MFHAS1: variants seen among roughly 807,000 people sequenced by gnomAD.
MFHAS1 encodes multifunctional ROCO family signaling regulator 1, also known as malignant fibrous histiocytoma-amplified sequence 1.
A neutral mutation model predicts 70.4 loss-of-function variants in MFHAS1; 50 were observed. The observed-to-expected ratio is 0.71, with a 90% confidence interval of 0.57 to 0.90. MFHAS1 has a LOEUF of 0.90. Among genes scored for constraint, MFHAS1 ranks in the 40% least tolerant of loss-of-function variants. MFHAS1 has a pLI of 0.00. For synonymous variants in MFHAS1, 952 were observed against 620.0 expected, an observed-to-expected ratio of 1.54 and a Z score of -7.96; for missense variants, 1,795 against 1,347.6, an observed-to-expected ratio of 1.33 and a Z score of -5.20.
intron 1 of MFHAS1, among the ~76,000 whole-genome samples, chr8:8,853,941 T>C (rs1808338052): frequency 1.3e-5 from 2 of 152,182 alleles, no homozygotes; most frequent in Admixed American, 6.5e-5. Context: ...GGTGGATAAT[T>C]ACTATTTCCA....
intron 2 of MFHAS1, among the ~76,000 whole-genome samples, chr8:8,794,707 A>C (rs553914027): frequency 4.6e-5 from 7 of 152,292 alleles, no homozygotes; most frequent in African/African-American, 1.7e-4. Flanking sequence ...TTATATTGCA[A>C]AGCTGTCATC....
In MFHAS1 at chr8:8,892,935, C is replaced by G. The variant is rs1382836850; in HGVS notation, c.124G>C (p.Gly42Arg). 6 of 1,546,020 alleles carry G rather than the reference C, an allele frequency of 3.9e-6. No homozygotes were observed. In the African/African-American group the frequency reaches 5.7e-5, roughly 15 times the overall value. Residue 42 changes from glycine (G) to arginine (R), a missense_variant, in exon 1 of 3, where the codon GGG becomes CGG. By Grantham distance (125) the Gly-to-Arg change is moderately radical. Transcript: ENST00000276282. The surrounding 1 kb of genome is among the most constrained non-coding windows in gnomAD (Gnocchi z 4.7). ...LTLTAAGACP[G>R]AGADALESPA... ...GACTCGAGCGCGTCGGCCCCGGCCC[C>G]GGGGCAGGCCCCGGCGGCGGTAAGC...
At chr8:8,800,153 A>G (rs931110582) in intron 1 of MFHAS1, among the ~76,000 whole-genome samples, 2 of 152,234 alleles carry the variant, frequency 1.3e-5, no homozygotes, top group Non-Finnish European at 2.9e-5. Context: ...ACTTTTATGA[A>G]AAACATTAAT....
chr8:8,844,119 T>C (rs1243776515), intron 1 of MFHAS1, among the ~76,000 whole-genome samples: 1 of 152,176 alleles, frequency 6.6e-6, no homozygotes, highest in Non-Finnish European at 1.5e-5. Context: ...CAGAATGCAG[T>C]GTCAGCCCTT....
At chr8:8,824,265 A>G (rs1807071839) in intron 1 of MFHAS1, among the ~76,000 whole-genome samples, 1 of 151,920 alleles carries the variant, frequency 6.6e-6, no homozygotes, top group Non-Finnish European at 1.5e-5. Flanking sequence ...ACCTTCCATC[A>G]TCTAAGCATC....
intron 1 of MFHAS1, among the ~76,000 whole-genome samples, chr8:8,802,383 A>C (rs1386885298): frequency 1.3e-5 from 2 of 152,230 alleles, no homozygotes; most frequent in Non-Finnish European, 2.9e-5. Flanking sequence ...TCTGGCACCT[A>C]GTAAGTACTT....
chr8:8,827,194 G>A (rs1807195359), intron 1 of MFHAS1, among the ~76,000 whole-genome samples: 1 of 152,190 alleles, frequency 6.6e-6, no homozygotes, highest in Non-Finnish European at 1.5e-5. Flanking sequence ...GACACCTACA[G>A]ATGGTCATAT....
At chr8:8,853,278 A>G (rs1808312832) in intron 1 of MFHAS1, among the ~76,000 whole-genome samples, 2 of 152,034 alleles carry the variant, frequency 1.3e-5, no homozygotes, top group Admixed American at 1.3e-4. Flanking sequence ...TACTCCCTCT[A>G]GTTCAACAGG....
chr8:8,874,976 C>T (rs1174686186), intron 1 of MFHAS1, among the ~76,000 whole-genome samples: 4 of 149,772 alleles, frequency 2.7e-5, no homozygotes, highest in African/African-American at 7.4e-5. Context: ...AAAGAAGCAA[C>T]ACAATTAGGC....
chr8:8,831,255 A>T (rs1039071261), intron 1 of MFHAS1, among the ~76,000 whole-genome samples: 1 of 151,908 alleles, frequency 6.6e-6, no homozygotes, highest in Non-Finnish European at 1.5e-5. Context: ...TCCAATATAC[A>T]TTGGGGGTTG....
intron 1 of MFHAS1, among the ~76,000 whole-genome samples, chr8:8,849,206 G>A (rs904784515): frequency 2.0e-5 from 3 of 149,878 alleles, no homozygotes; most frequent in Non-Finnish European, 3.0e-5. Context: ...TTAGCCTCCC[G>A]AGTAGCTGGG....
intron 1 of MFHAS1, among the ~76,000 whole-genome samples, chr8:8,860,850 G>C (rs554118681): frequency 9.2e-5 from 14 of 152,194 alleles, no homozygotes; most frequent in African/African-American, 3.4e-4. Flanking sequence ...CATTGGTCTC[G>C]TTTCCATTTC....
intron 2 of MFHAS1, among the ~76,000 whole-genome samples, chr8:8,787,857 G>C (rs757832680): frequency 6.6e-6 from 1 of 152,230 alleles, no homozygotes; most frequent in Non-Finnish European, 1.5e-5. Flanking sequence ...AGGACACCTA[G>C]ACGGAAAATC....
chr8:8,810,557 C>G (rs761761551), intron 1 of MFHAS1, among the ~76,000 whole-genome samples: 19 of 152,186 alleles, frequency 1.2e-4, no homozygotes, highest in Admixed American at 3.3e-4. Flanking sequence ...TGACAATCCA[C>G]TTCCACTGAA....
chr8:8,847,046 C>T (rs1808062534), intron 1 of MFHAS1, among the ~76,000 whole-genome samples: 1 of 152,150 alleles, frequency 6.6e-6, no homozygotes, highest in Non-Finnish European at 1.5e-5. Context: ...CTCCTCCAAA[C>T]ACACTCAGAA....
intron 1 of MFHAS1, among the ~76,000 whole-genome samples, chr8:8,846,703 T>C (rs2116863750): frequency 1.3e-5 from 2 of 152,202 alleles, no homozygotes; most frequent in South Asian, 4.2e-4. Flanking sequence ...TTGTTCTCCC[T>C]GCCTCAAATG....
chr8:8,832,739 C>A (rs1807452000), intron 1 of MFHAS1, among the ~76,000 whole-genome samples: 1 of 149,938 alleles, frequency 6.7e-6, no homozygotes, highest in Non-Finnish European at 1.5e-5. Flanking sequence ...AGCGTTCCTC[C>A]CACTTCAGCC....
chr8:8,828,654 T>C (rs141356772), intron 1 of MFHAS1, among the ~76,000 whole-genome samples: 16 of 152,280 alleles, frequency 1.1e-4, no homozygotes, highest in South Asian at 4.1e-4. Flanking sequence ...CAATATCACA[T>C]GAAGAAGGAA....
At chr8:8,819,415 C>G (rs993996964) in intron 1 of MFHAS1, among the ~76,000 whole-genome samples, 1 of 151,970 alleles carries the variant, frequency 6.6e-6, no homozygotes, top group African/African-American at 2.4e-5. Flanking sequence ...ACCATCCTGG[C>G]TAACAGGGTG....
Sources: gnomAD v4.1 joint callset for allele counts (sites outside exome capture counted in the v4.1 genomes callset) on GRCh38, gnomAD v4.1.1 for gene constraint, Gnocchi (gnomAD v3.1) non-coding constraint, MANE v1.5 for transcripts, NCBI Gene and HGNC (gene_info 2026-07-23, HGNC 2026-07-21) for gene names.